SCHIP1: variants seen among roughly 807,000 people sequenced by gnomAD.
SCHIP1 encodes the protein schwannomin-interacting protein 1.
In SCHIP1, 8 loss-of-function variants were observed where a neutral mutation model predicts 29.7. The observed-to-expected ratio is 0.27, with a 90% confidence interval of 0.16 to 0.49. The LOEUF is 0.49. SCHIP1 is among the 20% of genes least tolerant of loss of function. The pLI is 0.99. For missense variants in SCHIP1, 193 were observed against 294.6 expected, an observed-to-expected ratio of 0.66 and a Z score of 2.52; for synonymous variants, 76 against 94.9, an observed-to-expected ratio of 0.80 and a Z score of 1.16.
chr3:159,788,602 A>G, the SCHIP1 span, among the ~76,000 whole-genome samples: 1 of 152,310 alleles, frequency 6.6e-6, no homozygotes, highest in Non-Finnish European at 1.5e-5. Context: ...GCCCCCTCTC[A>G]GGGCCAAATT....
the SCHIP1 span, among the ~76,000 whole-genome samples, chr3:159,290,721 A>C: frequency 6.6e-6 from 1 of 152,218 alleles, no homozygotes; most frequent in South Asian, 2.1e-4. Context: ...ACAGAACTAC[A>C]AGGAAATCTT....
At chr3:159,572,492 T>C in the SCHIP1 span, among the ~76,000 whole-genome samples, 1 of 152,216 alleles carries the variant, frequency 6.6e-6, no homozygotes, top group South Asian at 2.1e-4. Context: ...CAGTTTGTTG[T>C]GATTTCTGTT....
intron 1 of SCHIP1, among the ~76,000 whole-genome samples, chr3:159,841,571 A>G (rs917433229): frequency 3.3e-5 from 5 of 152,200 alleles, no homozygotes; most frequent in African/African-American, 1.2e-4. Context: ...CTTTTCCAAG[A>G]ATCTATTTAT....
the SCHIP1 span, among the ~76,000 whole-genome samples, chr3:159,699,558 C>T: frequency 6.6e-6 from 1 of 152,156 alleles, no homozygotes; most frequent in Non-Finnish European, 1.5e-5. Flanking sequence ...TGCTGGAGGG[C>T]TGTGCAAACT....
the SCHIP1 span, among the ~76,000 whole-genome samples, chr3:159,675,611 T>A: frequency 6.6e-6 from 1 of 152,210 alleles, no homozygotes; most frequent in Non-Finnish European, 1.5e-5. Context: ...GAGAGAATTA[T>A]GTGTTTAAGA....
At chr3:159,543,408 C>T in the SCHIP1 span, among the ~76,000 whole-genome samples, 56 of 135,480 alleles carry the variant, frequency 4.1e-4, no homozygotes, top group African/African-American at 1.3e-3. Context: ...TGATGTCCCC[C>T]TTCCTGTGTC....
chr3:159,438,438 A>G, the SCHIP1 span, among the ~76,000 whole-genome samples: 1 of 152,098 alleles, frequency 6.6e-6, no homozygotes, highest in African/African-American at 2.4e-5. Flanking sequence ...GAACACACAG[A>G]CCGGACAGAA....
the SCHIP1 span, among the ~76,000 whole-genome samples, chr3:159,732,266 A>C: frequency 6.6e-6 from 1 of 152,368 alleles, no homozygotes. Flanking sequence ...CTTCTTGCCC[A>C]AACAGGTTCC....
chr3:159,349,912 C>G, the SCHIP1 span, among the ~76,000 whole-genome samples: 1 of 152,164 alleles, frequency 6.6e-6, no homozygotes, highest in Admixed American at 6.6e-5. Context: ...CTTTTAAGCT[C>G]TATCAAAACA....
the SCHIP1 span, among the ~76,000 whole-genome samples, chr3:159,725,563 C>A: frequency 6.6e-6 from 1 of 152,198 alleles, no homozygotes; most frequent in African/African-American, 2.4e-5. Context: ...CCACGCCTGG[C>A]CTCAATACAC....
chr3:159,879,116 T>C (rs1057446056), intron 2 of SCHIP1, among the ~76,000 whole-genome samples: 84 of 152,130 alleles, frequency 5.5e-4, no homozygotes, highest in African/African-American at 2.0e-3. Context: ...GTAATAATAT[T>C]GGACTAATCT....
the SCHIP1 span, among the ~76,000 whole-genome samples, chr3:159,326,327 A>G: frequency 4.4e-3 from 676 of 152,306 alleles, 4 homozygotes; most frequent in Non-Finnish European, 6.6e-3. Flanking sequence ...ACTCAGTATT[A>G]TTGTACTATT....
At chr3:159,384,263 A>T in the SCHIP1 span, among the ~76,000 whole-genome samples, 1 of 151,308 alleles carries the variant, frequency 6.6e-6, no homozygotes, top group African/African-American at 2.4e-5. Flanking sequence ...GATAGCTCTT[A>T]TTATTTTGAG....
Position 159,887,960 on chromosome 3 carries a change from C to T in SCHIP1, c.465+55C>T, listed in dbSNP as rs138501711. The stretch of plus-strand genomic sequence containing the variant: ...GTGTTTGGGAGCCAGAAATGGTTGA[C>T]ACTGTCCCAGTCCTTTCCCAGAATT... On this transcript the variant is annotated intron_variant, in intron 4 of 6. Transcript: ENST00000445224. 2,117 of 1,599,242 alleles carry T rather than the reference C, an allele frequency of 1.3e-3. 2 individuals are homozygous for T. The highest frequency in any genetic ancestry group is 1.7e-3 in the Non-Finnish European group (2,045 of 1,171,954).
the SCHIP1 span, among the ~76,000 whole-genome samples, chr3:159,289,561 C>T: frequency 3.3e-5 from 5 of 152,250 alleles, no homozygotes; most frequent in African/African-American, 1.2e-4. Flanking sequence ...TCACAACTAC[C>T]ATTATTCTCT....
the SCHIP1 span, among the ~76,000 whole-genome samples, chr3:159,386,023 A>G: frequency 6.6e-6 from 1 of 151,964 alleles, no homozygotes; most frequent in Non-Finnish European, 1.5e-5. Flanking sequence ...AAGTACATGA[A>G]CTCATCCTTT....
the SCHIP1 span, among the ~76,000 whole-genome samples, chr3:159,682,161 G>A: frequency 3.3e-5 from 5 of 152,088 alleles, no homozygotes; most frequent in African/African-American, 9.7e-5. Flanking sequence ...TCCTTTCTGA[G>A]GTTTAATATC....
At chr3:159,643,378 T>C in the SCHIP1 span, among the ~76,000 whole-genome samples, 1 of 152,078 alleles carries the variant, frequency 6.6e-6, no homozygotes, top group Non-Finnish European at 1.5e-5. Flanking sequence ...GCTCTGACCC[T>C]GCAGGACAGA....
the SCHIP1 span, among the ~76,000 whole-genome samples, chr3:159,368,528 C>T: frequency 1.1e-4 from 16 of 152,258 alleles, no homozygotes; most frequent in South Asian, 4.1e-4. Flanking sequence ...ATTACTGAAT[C>T]GGTTATGACC....
Sources: allele counts gnomAD v4.1 joint callset (sites outside exome capture counted in the v4.1 genomes callset), GRCh38; gene constraint gnomAD v4.1.1; transcripts MANE v1.5; gene names NCBI Gene and HGNC (gene_info 2026-07-23, HGNC 2026-07-21).